Variants in DCAF8L2 observed in about 807,000 individuals in gnomAD.
The protein encoded by DCAF8L2 is DDB1 and CUL4 associated factor 8 like 2, also known as DDB1- and CUL4-associated factor 8-like protein 2.
For synonymous variants in DCAF8L2, 200 were observed against 190.9 expected (o/e 1.05, Z -0.39); for missense variants, 430 against 490.7 (o/e 0.88, Z 1.17).
intron 1 of DCAF8L2, among the ~76,000 whole-genome samples, chrX:27,593,273 T>G (rs1926203859): frequency 8.9e-6 from 1 of 111,995 alleles, no homozygotes; most frequent in African/African-American, 3.2e-5. Flanking sequence ...TCTCTCTGAC[T>G]TTATGAATTT....
At chrX:27,689,035 G>T (rs1375295461) in intron 3 of DCAF8L2, among the ~76,000 whole-genome samples, 2 of 111,861 alleles carry the variant, frequency 1.8e-5, no homozygotes, top group African/African-American at 6.5e-5. Context: ...CCAGACTGAT[G>T]ATTCAAAAGT....
intron 3 of DCAF8L2, among the ~76,000 whole-genome samples, chrX:27,695,893 C>G (rs956965226): frequency 9.1e-6 from 1 of 110,404 alleles, no homozygotes; most frequent in Non-Finnish European, 1.9e-5. Context: ...GTTAATATTA[C>G]TATCAAAAAT....
At chrX:27,639,900 C>T (rs1052053450) in intron 2 of DCAF8L2, among the ~76,000 whole-genome samples, 3 of 110,930 alleles carry the variant, frequency 2.7e-5, no homozygotes, top group African/African-American at 9.8e-5. Flanking sequence ...ATGTTTCAGG[C>T]GTTGTACTAT....
the DCAF8L2 span, among the ~76,000 whole-genome samples, chrX:27,568,767 C>T: frequency 1.9e-5 from 2 of 107,388 alleles, no homozygotes; most frequent in Admixed American, 2.0e-4. Flanking sequence ...GTGTGCTGTA[C>T]CCATTAACTC....
chrX:27,721,357 A>C (rs1931894451), intron 4 of DCAF8L2, among the ~76,000 whole-genome samples: 1 of 111,994 alleles, frequency 8.9e-6, no homozygotes, highest in African/African-American at 3.2e-5. Context: ...CTGATACATA[A>C]TGTTTAAACA....
chrX:27,496,353 T>C, the DCAF8L2 span, among the ~76,000 whole-genome samples: 2 of 112,096 alleles, frequency 1.8e-5, no homozygotes, highest in Non-Finnish European at 3.8e-5. Context: ...ATCTAACTTT[T>C]AGAAATTATG....
chrX:27,534,710 C>T, the DCAF8L2 span, among the ~76,000 whole-genome samples: 2 of 112,033 alleles, frequency 1.8e-5, no homozygotes, highest in Admixed American at 1.9e-4. Flanking sequence ...CTGATTTTCC[C>T]TAGGGTTTCT....
At chrX:27,496,971 A>C in the DCAF8L2 span, among the ~76,000 whole-genome samples, 1 of 112,305 alleles carries the variant, frequency 8.9e-6, no homozygotes, top group Non-Finnish European at 1.9e-5. Flanking sequence ...ATTTTCTGTA[A>C]GTTTCCATTT....
intron 1 of DCAF8L2, among the ~76,000 whole-genome samples, chrX:27,623,782 C>T (rs1430821938): frequency 9.0e-6 from 1 of 111,572 alleles, no homozygotes; most frequent in Non-Finnish European, 1.9e-5. Flanking sequence ...CAGATTTAAA[C>T]ACGTGTGAAT....
At chrX:27,707,866 G>C (rs1931393913) in intron 3 of DCAF8L2, among the ~76,000 whole-genome samples, 1 of 111,608 alleles carries the variant, frequency 9.0e-6, no homozygotes, top group African/African-American at 3.3e-5. Flanking sequence ...TGACAAAGTA[G>C]AATTTTGTGA....
chrX:27,558,804 C>A, the DCAF8L2 span, among the ~76,000 whole-genome samples: 1 of 101,757 alleles, frequency 9.8e-6, no homozygotes, highest in Non-Finnish European at 2.0e-5. Flanking sequence ...GTTCCCCTTC[C>A]TGTGTCCATG....
At chrX:27,557,632 A>C in the DCAF8L2 span, among the ~76,000 whole-genome samples, 1 of 111,383 alleles carries the variant, frequency 9.0e-6, no homozygotes, top group Non-Finnish European at 1.9e-5. Flanking sequence ...AGAGTATCTC[A>C]TGTTGGGCTG....
chrX:27,508,174 G>A, the DCAF8L2 span, among the ~76,000 whole-genome samples: 93 of 111,896 alleles, frequency 8.3e-4, 1 homozygote, highest in African/African-American at 2.7e-3. Context: ...GAGTTGCAAA[G>A]CTAGGATGCA....
the DCAF8L2 span, among the ~76,000 whole-genome samples, chrX:27,484,452 T>A: frequency 9.1e-6 from 1 of 110,482 alleles, no homozygotes; most frequent in Admixed American, 9.7e-5. Context: ...TATTAGAAAA[T>A]TTGATCCCTG....
the DCAF8L2 span, chrX:27,518,761 TA>T: frequency 3.8e-6 from 1 of 259,892 alleles, no homozygotes; most frequent in Non-Finnish European, 7.0e-6. Flanking sequence ...TAATAAGTAA[TA>T]AAATAAATAT....
At chrX:27,671,739 G>A (rs1224905664) in intron 2 of DCAF8L2, among the ~76,000 whole-genome samples, 1 of 111,647 alleles carries the variant, frequency 9.0e-6, no homozygotes, top group Non-Finnish European at 1.9e-5. Context: ...ACAGCTTCTC[G>A]GACTGTGCAT....
At chrX:27,652,297 G>A (rs1352333540) in intron 2 of DCAF8L2, among the ~76,000 whole-genome samples, 1 of 111,598 alleles carries the variant, frequency 9.0e-6, no homozygotes, top group Non-Finnish European at 1.9e-5. Context: ...GGTTCATACA[G>A]CTTGTTCTAT....
At chrX:27,674,310 T>G (rs970155446) in intron 2 of DCAF8L2, among the ~76,000 whole-genome samples, 1 of 111,640 alleles carries the variant, frequency 9.0e-6, no homozygotes, top group African/African-American at 3.3e-5. Flanking sequence ...ATGGTATTAT[T>G]TTACTTATTG....
At chrX:27,693,718 C>T (rs898549825) in intron 3 of DCAF8L2, among the ~76,000 whole-genome samples, 1 of 111,633 alleles carries the variant, frequency 9.0e-6, no homozygotes, top group Admixed American at 9.6e-5. Context: ...ATAACAGATA[C>T]TGGCAAGACT....
Sources: gnomAD v4.1 joint callset for allele counts (sites outside exome capture counted in the v4.1 genomes callset) on GRCh38, gnomAD v4.1.1 for gene constraint, MANE v1.5 for transcripts, NCBI Gene and HGNC (gene_info 2026-07-23, HGNC 2026-07-21) for gene names.